Variants in SLC4A7 observed in about 807,000 individuals in gnomAD.
The protein encoded by SLC4A7 is sodium bicarbonate cotransporter 3.
Under a neutral mutation model 137.6 loss-of-function variants are expected in SLC4A7, and 51 were observed. The observed-to-expected ratio is 0.37, with a 90% CI of 0.30 to 0.47. SLC4A7 has a LOEUF of 0.47. SLC4A7 is among the 20% of genes least tolerant of loss of function. The pLI, the probability that SLC4A7 is intolerant of heterozygous loss-of-function variation, is 1.00. For missense variants in SLC4A7, 1,247 were observed against 1,525.4 expected (o/e 0.82, Z 3.04); for synonymous variants, 542 against 518.6 (o/e 1.05, Z -0.61).
chr3:27,456,732 T>C (rs1166383131), intron 1 of SLC4A7: 1 of 1,601,740 alleles, frequency 6.2e-7, no homozygotes, highest in Non-Finnish European at 8.5e-7. Flanking sequence ...AGTAACTCCC[T>C]TGAAGATTCC....
chr3:27,404,966 G>A lies in SLC4A7; in HGVS notation c.1942-3C>T, dbSNP rs748108977. The A allele has an allele frequency of 7.1e-6, 11 of 1,558,538 alleles. No homozygotes were observed. The highest frequency in any genetic ancestry group is 9.5e-6 in the Non-Finnish European group (11 of 1,160,816). On this transcript the variant is annotated splice_polypyrimidine_tract_variant and splice_region_variant and intron_variant, in intron 13 of 25. Coordinates refer to ENST00000454389, the MANE Select transcript of SLC4A7 (RefSeq NM_001321103.2). The stretch of plus-strand genomic sequence containing the variant: ...CCAAAAAGAGACTCTATTGCACTCT[G>A]TTTAAGGAAAAAAGAAATGAATAAA...
intron 11 of SLC4A7, among the ~76,000 whole-genome samples, chr3:27,417,243 T>C (rs2054480218): frequency 6.6e-6 from 1 of 152,160 alleles, no homozygotes; most frequent in Non-Finnish European, 1.5e-5. Flanking sequence ...TGTTTAGCTC[T>C]TAATGAACAG....
At chr3:27,386,359 G>A (rs1284063851) in intron 22 of SLC4A7, among the ~76,000 whole-genome samples, 2 of 152,032 alleles carry the variant, frequency 1.3e-5, no homozygotes, top group Non-Finnish European at 2.9e-5. Flanking sequence ...TACATATTAT[G>A]TAAGTATATA....
chr3:27,479,905 G>A (rs1180917174), intron 1 of SLC4A7, among the ~76,000 whole-genome samples: 2 of 152,170 alleles, frequency 1.3e-5, no homozygotes, highest in African/African-American at 4.8e-5. Context: ...TTAGTCAGTT[G>A]CAGATCCTAT....
Position 27,434,060 on chromosome 3 carries a change from A to G in SLC4A7, c.634T>C (p.Ser212Pro), listed in dbSNP as rs2056535486. The G allele has an allele frequency of 6.2e-7, 1 of 1,613,370 alleles. No individual in the cohort carries two copies. Among genetic ancestry groups the G allele is most frequent in the Non-Finnish European group, 8.5e-7 (1 of 1,179,780 alleles). The change falls in exon 6 of 26, where the codon TCC becomes CCC. Residue 212 changes from serine to proline, a missense_variant. By Grantham distance (74) the Ser-to-Pro change is moderately conservative. This residue lies in a region of SLC4A7 where 223 missense variants were observed against 203.6 expected (regional missense o/e 1.10). Transcript: ENST00000454389. The stretch of plus-strand genomic sequence containing the variant: ...GCTTCTCTGACATTCTCTCGTATGG[A>G]CTCGTCTAATTGGCCAGAAGCTATC... ...NMIASGQLDE[S>P]IRENVREALL...
At chr3:27,422,940 T>C in intron 8 of SLC4A7, 1 of 385,022 alleles carries the variant, frequency 2.6e-6, no homozygotes, top group South Asian at 1.9e-5. Context: ...CTGCCATGCC[T>C]AGAGGAACTC....
Position 27,418,471 on chromosome 3 carries a change from G to C in SLC4A7, c.1659+15C>G. 1 of 1,593,344 alleles carries C rather than the reference G, an allele frequency of 6.3e-7. No homozygotes were observed. The highest frequency in any genetic ancestry group is 8.5e-7 in the Non-Finnish European group (1 of 1,170,482). ...AAATAAAGTAAGTCACAGAAGAATA[G>C]CTCTGGATTCTTACCTGAGAAGGGA... On this transcript the variant is annotated intron_variant, in intron 11 of 25. Coordinates refer to ENST00000454389, the MANE Select transcript of SLC4A7 (RefSeq NM_001321103.2).
chr3:27,448,081 G>A (rs1019122192), intron 3 of SLC4A7, among the ~76,000 whole-genome samples: 6 of 151,764 alleles, frequency 4.0e-5, no homozygotes, highest in Non-Finnish European at 5.9e-5. Context: ...GCATGGTGGC[G>A]TGCGCCTGTA....
Position 27,478,713 on chromosome 3 carries a change from C to A in SLC4A7, c.60+5354G>T, listed in dbSNP as rs1038088327. 6.6e-5 allele frequency among the ~76,000 whole-genome samples: 10 copies of A among 151,280 alleles called. No individual in the cohort carries two copies. In the East Asian group the frequency reaches 1.6e-3, roughly 24 times the overall value. On this transcript the variant is annotated intron_variant, in intron 1 of 25. Coordinates refer to ENST00000454389, the MANE Select transcript of SLC4A7 (RefSeq NM_001321103.2). ...CTTAAAACCGCCAAACTAGGCCAGG[C>A]ACAGTGGCTCCTGCTTGTAATCCCA...
intron 9 of SLC4A7, among the ~76,000 whole-genome samples, chr3:27,421,411 G>C (rs554273412): frequency 6.6e-6 from 1 of 152,056 alleles, no homozygotes; most frequent in Non-Finnish European, 1.5e-5. Flanking sequence ...CAGGAAAATC[G>C]CATGAACCTG....
chr3:27,409,003 C>T (rs553388142), intron 13 of SLC4A7, among the ~76,000 whole-genome samples: 2 of 152,272 alleles, frequency 1.3e-5, no homozygotes, highest in South Asian at 4.1e-4. Context: ...GAAGTAGCCC[C>T]ACTGATAAAA....
intron 15 of SLC4A7, among the ~76,000 whole-genome samples, chr3:27,402,068 T>C (rs2052802692): frequency 6.6e-6 from 1 of 152,144 alleles, no homozygotes. Flanking sequence ...AAGAGGGAAG[T>C]ACATGTATCT....
intron 10 of SLC4A7, among the ~76,000 whole-genome samples, chr3:27,419,050 C>T (rs1479832469): frequency 6.6e-6 from 1 of 152,122 alleles, no homozygotes; most frequent in African/African-American, 2.4e-5. Flanking sequence ...TGGCTACCTA[C>T]TAACTGCTAA....
At chr3:27,442,635 C>G (rs2057289735) in intron 3 of SLC4A7, among the ~76,000 whole-genome samples, 1 of 151,942 alleles carries the variant, frequency 6.6e-6, no homozygotes, top group African/African-American at 2.4e-5. Context: ...GTTCTTAAAC[C>G]CCTGAGCTCA....
chr3:27,414,745 T>A (rs1377511016), intron 11 of SLC4A7, among the ~76,000 whole-genome samples: 5 of 152,204 alleles, frequency 3.3e-5, no homozygotes, highest in Non-Finnish European at 5.9e-5. Flanking sequence ...TAAGCACTCA[T>A]CTCCATCAAG....
chr3:27,382,173 G>A (rs371697591), intron 24 of SLC4A7, among the ~76,000 whole-genome samples: 16 of 152,032 alleles, frequency 1.1e-4, no homozygotes, highest in South Asian at 8.3e-4. Flanking sequence ...AGGCTGGAGT[G>A]CACTGGTATG....
chr3:27,401,631 T>C (rs1157540897), intron 15 of SLC4A7, among the ~76,000 whole-genome samples: 1 of 152,208 alleles, frequency 6.6e-6, no homozygotes, highest in Non-Finnish European at 1.5e-5. Flanking sequence ...AGCTTCTTCA[T>C]ACACAAAAGG....
intron 3 of SLC4A7, among the ~76,000 whole-genome samples, chr3:27,440,592 G>A (rs902074328): frequency 6.6e-6 from 1 of 151,262 alleles, no homozygotes; most frequent in Non-Finnish European, 1.5e-5. Flanking sequence ...GCCAGGCATG[G>A]TGGTACGCAC....
At chr3:27,388,486 A>G (rs952848740) in intron 22 of SLC4A7, among the ~76,000 whole-genome samples, 2 of 152,178 alleles carry the variant, frequency 1.3e-5, no homozygotes, top group Admixed American at 6.5e-5. Context: ...TACTTTAAGG[A>G]CAGGTCTTTA....
Sources: gnomAD v4.1 joint callset for allele counts (sites outside exome capture counted in the v4.1 genomes callset) on GRCh38, gnomAD v4.1.1 for gene constraint, gnomAD v4.1.1 regional missense constraint, MANE v1.5 for transcripts, NCBI Gene and HGNC (gene_info 2026-07-23, HGNC 2026-07-21) for gene names.